Variants in SUGCT observed in about 807,000 individuals in gnomAD.
SUGCT encodes succinyl-CoA:glutarate-CoA transferase, also known as succinyl-CoA:glutarate CoA-transferase.
SUGCT carries 41 observed loss-of-function variants against 55.0 expected under a neutral mutation model. The ratio of observed to expected loss-of-function variants is 0.74; its 90% CI spans 0.58 to 0.97. The LOEUF (loss-of-function observed/expected upper bound fraction) is 0.97. Ranked by LOEUF, SUGCT falls within the 50% of genes least tolerant of loss-of-function variation. The pLI is 0.00. For synonymous variants in SUGCT, 187 were observed against 200.4 expected (o/e 0.93, Z 0.56); for missense variants, 568 against 547.8 (o/e 1.04, Z -0.37).
chr7:40,220,468 G>A (rs1051061460), intron 6 of SUGCT, among the ~76,000 whole-genome samples: 1 of 152,182 alleles, frequency 6.6e-6, no homozygotes, highest in African/African-American at 2.4e-5. Context: ...GTATTTTTAA[G>A]CCATTAGGCC....
At chr7:40,733,424 A>G (rs535558860) in intron 12 of SUGCT, among the ~76,000 whole-genome samples, 17 of 152,320 alleles carry the variant, frequency 1.1e-4, no homozygotes, top group East Asian at 5.8e-4. Context: ...GCAAACATGC[A>G]TCTATCTGCC....
intron 9 of SUGCT, among the ~76,000 whole-genome samples, chr7:40,429,980 T>G (rs1200154175): frequency 6.6e-6 from 1 of 152,222 alleles, no homozygotes; most frequent in South Asian, 2.1e-4. Context: ...TCCAGGCTTA[T>G]CTAAGTTGTG....
intron 11 of SUGCT, among the ~76,000 whole-genome samples, chr7:40,480,632 C>T (rs1014885150): frequency 5.3e-5 from 8 of 152,008 alleles, no homozygotes; most frequent in African/African-American, 1.9e-4. Context: ...GATATTATTT[C>T]TTCTAATCCA....
chr7:40,401,406 G>C (rs1463393641), intron 9 of SUGCT, among the ~76,000 whole-genome samples: 1 of 152,200 alleles, frequency 6.6e-6, no homozygotes, highest in Non-Finnish European at 1.5e-5. Context: ...CTACAACTCT[G>C]TTAAGTAGAA....
chr7:40,659,003 A>C (rs1341860101), intron 12 of SUGCT, among the ~76,000 whole-genome samples: 1 of 152,132 alleles, frequency 6.6e-6, no homozygotes, highest in Non-Finnish European at 1.5e-5. Context: ...ACCTGTTGGC[A>C]TGGCTGCTCC....
At chr7:41,025,936 T>C in the SUGCT span, among the ~76,000 whole-genome samples, 6 of 152,166 alleles carry the variant, frequency 3.9e-5, no homozygotes, top group Admixed American at 3.9e-4. Flanking sequence ...TTAACATTTG[T>C]AAGTCCCAGA....
intron 7 of SUGCT, among the ~76,000 whole-genome samples, chr7:40,257,099 C>T (rs1266287990): frequency 6.6e-6 from 1 of 151,966 alleles, no homozygotes. Context: ...GGCTGGAGTG[C>T]AGTGGTGCGA....
intron 9 of SUGCT, among the ~76,000 whole-genome samples, chr7:40,365,720 C>G (rs1783915256): frequency 6.6e-6 from 1 of 151,492 alleles, no homozygotes; most frequent in Non-Finnish European, 1.5e-5. Flanking sequence ...TGTGAAGGAC[C>G]TCTTCAAGGA....
intron 8 of SUGCT, among the ~76,000 whole-genome samples, chr7:40,305,172 C>CT (rs1448369741): frequency 6.6e-6 from 1 of 152,180 alleles, no homozygotes; most frequent in African/African-American, 2.4e-5. Flanking sequence ...TGGGCTTGGG[C>CT]TTTGTCACTT....
intron 9 of SUGCT, among the ~76,000 whole-genome samples, chr7:40,345,151 A>T (rs1797245536): frequency 6.6e-6 from 1 of 152,216 alleles, no homozygotes; most frequent in Non-Finnish European, 1.5e-5. Flanking sequence ...ATTTGATCTA[A>T]ATCTTGAAGG....
chr7:40,277,066 TATG>T (rs1792548899), intron 8 of SUGCT, among the ~76,000 whole-genome samples: 1 of 152,216 alleles, frequency 6.6e-6, no homozygotes, highest in South Asian at 2.1e-4. Context: ...TCATTAGAAT[TATG>T]ATAAGTACTC....
chr7:40,903,838 G>A, the SUGCT span, among the ~76,000 whole-genome samples: 1 of 152,136 alleles, frequency 6.6e-6, no homozygotes, highest in Admixed American at 6.5e-5. Context: ...GGCTTGAAGG[G>A]TGCCTCTGTA....
At chr7:40,449,421 G>T in intron 10 of SUGCT, 63 bp downstream of exon 10, 1 of 1,348,864 alleles carries the variant, frequency 7.4e-7, no homozygotes, top group Non-Finnish European at 1.0e-6. Flanking sequence ...GTTCAGTTTT[G>T]CCCAGGTCAC....
At chr7:40,540,647 C>A (rs1239304837) in intron 12 of SUGCT, among the ~76,000 whole-genome samples, 1 of 152,176 alleles carries the variant, frequency 6.6e-6, no homozygotes, top group South Asian at 2.1e-4. Context: ...AGGCTGTATA[C>A]CTGTATTGAA....
the SUGCT span, among the ~76,000 whole-genome samples, chr7:40,888,139 T>C: frequency 1.3e-5 from 2 of 152,254 alleles, no homozygotes; most frequent in Middle Eastern, 3.4e-3. Context: ...TGTCAGAGAA[T>C]AAAGTGGCTA....
At chr7:40,966,675 A>G in the SUGCT span, 1 of 152,204 alleles carries the variant, frequency 6.6e-6, no homozygotes, top group African/African-American at 2.4e-5. Flanking sequence ...CCTACTGAAA[A>G]GATAATATCA....
rs543997983 is a variant in SUGCT at position 40,535,119 on chromosome 7, G to A, written c.1089+38733G>A. Among the ~76,000 whole-genome samples, 4 of 152,130 alleles carry A rather than the reference G, an allele frequency of 2.6e-5. No homozygotes were observed. The East Asian group carries it at 7.7e-4, about 29-fold the overall frequency. The stretch of plus-strand genomic sequence containing the variant: ...GTCTATCTCAAAATTTTTATAATTT[G>A]GAGATAAGTTTGTATATATAATATC... On this transcript the variant is annotated intron_variant, in intron 12 of 13. Coordinates refer to ENST00000335693, the MANE Select transcript of SUGCT (RefSeq NM_001193313.2).
intron 7 of SUGCT, among the ~76,000 whole-genome samples, chr7:40,268,143 A>T (rs1051163746): frequency 1.3e-5 from 2 of 152,222 alleles, no homozygotes; most frequent in Non-Finnish European, 2.9e-5. Flanking sequence ...CATTTACAGC[A>T]TACAATTCAG....
chr7:40,494,426 G>A (rs1397107494), intron 11 of SUGCT, among the ~76,000 whole-genome samples: 1 of 152,172 alleles, frequency 6.6e-6, no homozygotes, highest in East Asian at 1.9e-4. Flanking sequence ...TGAAAAGAAA[G>A]TAAGAATGTA....
Sources: allele counts gnomAD v4.1 joint callset (sites outside exome capture counted in the v4.1 genomes callset), GRCh38; gene constraint gnomAD v4.1.1; transcripts MANE v1.5; gene names NCBI Gene and HGNC (gene_info 2026-07-23, HGNC 2026-07-21).